The following EHMT1 variants were observed in gnomAD, a reference collection of about 807,000 sequenced individuals.
The protein encoded by EHMT1 is histone-lysine N-methyltransferase EHMT1.
A neutral mutation model predicts 147.2 loss-of-function variants in EHMT1; 15 were observed. That is an observed-to-expected ratio of 0.10 (90% CI 0.07 to 0.16). EHMT1 has a LOEUF of 0.16. Among genes scored for constraint, EHMT1 ranks in the 10% least tolerant of loss-of-function variants. The probability of loss-of-function intolerance (pLI) is 1.00; values close to 1 mark genes in which losing one functional copy is unlikely to be tolerated. For missense variants in EHMT1, 1,587 were observed against 1,772.4 expected (o/e 0.90, Z 1.88); for synonymous variants, 795 against 709.6 (o/e 1.12, Z -1.91).
chr9:137,766,492 G>A (rs929581680), intron 10 of EHMT1, among the ~76,000 whole-genome samples: 1 of 152,186 alleles, frequency 6.6e-6, no homozygotes, highest in Non-Finnish European at 1.5e-5. Context: ...GCGCCTGCCT[G>A]TAGTCCCAGC....
chr9:137,778,937 G>A (rs928448786), intron 13 of EHMT1, among the ~76,000 whole-genome samples: 1 of 152,156 alleles, frequency 6.6e-6, no homozygotes, highest in Admixed American at 6.5e-5. Flanking sequence ...CAGAGAAGGG[G>A]GAGGCTCCCA....
chr9:137,807,996 C>T (rs1954093507), intron 18 of EHMT1, among the ~76,000 whole-genome samples: 1 of 152,158 alleles, frequency 6.6e-6, no homozygotes, highest in South Asian at 2.1e-4. Context: ...GACTCTTCTT[C>T]GTGTGAATGT....
chr9:137,799,578 G>T (rs962857891), intron 17 of EHMT1, among the ~76,000 whole-genome samples: 2 of 152,192 alleles, frequency 1.3e-5, no homozygotes, highest in Admixed American at 1.3e-4. Flanking sequence ...CCTCCTGCAT[G>T]GATTGAGGCT....
chr9:137,755,426 G>T (rs1949309610), intron 8 of EHMT1, among the ~76,000 whole-genome samples: 1 of 152,234 alleles, frequency 6.6e-6, no homozygotes, highest in Non-Finnish European at 1.5e-5. Context: ...GTCCATTGCT[G>T]AGAAGTGTCC....
In EHMT1 at chr9:137,717,127, C is replaced by T. The variant is rs1368780488; in HGVS notation, c.587C>T (p.Ala196Val). Residue 196 changes from alanine (A) to valine (V), a missense_variant, in exon 3 of 27, where the codon GCC becomes GTC. Ala to Val is a moderately conservative substitution (Grantham distance 64). Around this residue, in one of 7 missense-constraint regions of EHMT1, gnomAD observed 810 missense variants for 673.0 expected, o/e 1.20. Coordinates refer to ENST00000460843, the MANE Select transcript of EHMT1 (RefSeq NM_024757.5). The part of the protein sequence containing the change: ...TEDRKLPAPG[A>V]DVKVHRARKT... ...GACAGGAAGCTCCCGGCCCCTGGCG[C>T]CGACGTCAAGGTCCACAGGGCACGC... 3 of 1,612,570 alleles carry T rather than the reference C, an allele frequency of 1.9e-6. No homozygotes were observed. Among genetic ancestry groups the T allele is most frequent in the South Asian group, 1.1e-5 (1 of 91,088 alleles).
chr9:137,824,186 G>A (rs1955652783), intron 25 of EHMT1, among the ~76,000 whole-genome samples: 1 of 152,154 alleles, frequency 6.6e-6, no homozygotes, highest in South Asian at 2.1e-4. Context: ...GACGGAGTTT[G>A]AAGCTGCAGT....
chr9:137,817,191 G>A (rs1051173781), intron 23 of EHMT1: 6 of 575,666 alleles, frequency 1.0e-5, no homozygotes, highest in African/African-American at 3.7e-5. Flanking sequence ...TGGGGACACC[G>A]AGCCACGGCC....
At chr9:137,741,950 A>G (rs1948122696) in intron 4 of EHMT1, among the ~76,000 whole-genome samples, 1 of 152,218 alleles carries the variant, frequency 6.6e-6, no homozygotes, top group Non-Finnish European at 1.5e-5. Context: ...TATCAAGATG[A>G]TTATGATAGT....
rs527570504 is a variant in EHMT1, at chr9:137,787,594, G to T, written c.2383-3254G>T. 6.1e-6 allele frequency: 3 copies of T among 492,516 alleles called. No individual in the cohort carries two copies. The highest frequency in any genetic ancestry group is 1.1e-5 in the Non-Finnish European group (3 of 270,980). The allele number at this position is 492,516 out of a possible 1,614,324, so 30.5% of individuals were successfully genotyped here. A position where few individuals can be genotyped will look rare whatever the true frequency, so the allele number is the denominator to read the frequency against. On this transcript the variant is annotated intron_variant, in intron 15 of 26. Coordinates refer to ENST00000460843, the MANE Select transcript of EHMT1 (RefSeq NM_024757.5). The surrounding 1 kb of genome is among the most constrained non-coding windows in gnomAD (Gnocchi z 4.2). The stretch of plus-strand genomic sequence containing the variant: ...GAGGCTGCTGTGGTCGCAGACAACC[G>T]CCTCGCCTTGGCTCCCTGGCAACAA...
chr9:137,811,823 G>A (rs766689888), intron 19 of EHMT1, among the ~76,000 whole-genome samples: 10 of 152,212 alleles, frequency 6.6e-5, no homozygotes, highest in Non-Finnish European at 1.5e-4. Flanking sequence ...TTATTTCTGG[G>A]TTAGGGAGGA....
In EHMT1 at chr9:137,787,710, C is replaced by T. The variant is rs1952099378; in HGVS notation, c.2383-3138C>T. On this transcript the variant is annotated intron_variant, in intron 15 of 26. Coordinates refer to ENST00000460843, the MANE Select transcript of EHMT1 (RefSeq NM_024757.5). This position sits in a 1 kb window ranked among gnomAD's most constrained non-coding sequence, Gnocchi z 4.2. The stretch of plus-strand genomic sequence containing the variant: ...GCAGCCCGCCTGGGCCAGGGGCCGC[C>T]AGGTCCCCAGGGTGCCACCGAAACA... 4.2e-6 allele frequency: 3 copies of T among 710,318 alleles called. No individual in the cohort carries two copies. Among genetic ancestry groups the T allele is most frequent in the Non-Finnish European group, 7.4e-6 (3 of 404,430 alleles). 44.0% of individuals were successfully genotyped at this position (710,318 alleles called of 1,614,324 possible).
intron 18 of EHMT1, among the ~76,000 whole-genome samples, chr9:137,807,439 C>T (rs12338771): frequency 0.04 from 6,120 of 152,028 alleles, 396 homozygotes; most frequent in African/African-American, 0.13. Flanking sequence ...ACTTAACTTT[C>T]GAACCTATAG....
At chr9:137,698,731 A>G (rs146262506) in intron 1 of EHMT1, among the ~76,000 whole-genome samples, 17 of 152,324 alleles carry the variant, frequency 1.1e-4, no homozygotes, top group African/African-American at 4.1e-4. Flanking sequence ...GTCGCAGTCA[A>G]CACAGTTCCA....
intron 4 of EHMT1, among the ~76,000 whole-genome samples, chr9:137,734,078 G>C (rs1947335997): frequency 6.6e-6 from 1 of 152,128 alleles, no homozygotes; most frequent in Non-Finnish European, 1.5e-5. Flanking sequence ...TTTCAGCATA[G>C]AACTACAAGG....
chr9:137,832,443 T>C (rs1318158029), intron 25 of EHMT1, among the ~76,000 whole-genome samples: 1 of 138,738 alleles, frequency 7.2e-6, no homozygotes, highest in African/African-American at 2.8e-5. Context: ...CATCCTAGGA[T>C]TGGCTGGTCT....
intron 15 of EHMT1, among the ~76,000 whole-genome samples, chr9:137,789,837 C>G (rs1332461008): frequency 6.6e-6 from 1 of 152,274 alleles, no homozygotes; most frequent in Non-Finnish European, 1.5e-5. Context: ...TCAAGCAACT[C>G]TCCTGCCTCA....
chr9:137,701,676 G>C (rs1943844427), intron 1 of EHMT1, among the ~76,000 whole-genome samples: 1 of 145,198 alleles, frequency 6.9e-6, no homozygotes, highest in African/African-American at 2.6e-5. Flanking sequence ...TGCCCAGGCT[G>C]GAGTGCAATG....
intron 1 of EHMT1, among the ~76,000 whole-genome samples, chr9:137,653,075 T>C (rs1938041328): frequency 6.6e-6 from 1 of 152,144 alleles, no homozygotes; most frequent in South Asian, 2.1e-4. Flanking sequence ...CCTACAGTAG[T>C]GTATAGTGAT....
At chr9:137,709,106 C>T (rs3123501) in intron 1 of EHMT1, among the ~76,000 whole-genome samples, 15,536 of 152,274 alleles carry the variant, frequency 0.1, 878 homozygotes, top group Middle Eastern at 0.2. Context: ...CTGACACCAC[C>T]GCTTGGGCAC....
Sources: gnomAD v4.1 joint callset for allele counts (sites outside exome capture counted in the v4.1 genomes callset) on GRCh38, gnomAD v4.1.1 for gene constraint, gnomAD v4.1.1 regional missense constraint, Gnocchi (gnomAD v3.1) non-coding constraint, MANE v1.5 for transcripts, NCBI Gene and HGNC (gene_info 2026-07-23, HGNC 2026-07-21) for gene names.